Variants in PCSK5 observed in about 807,000 individuals in gnomAD.
PCSK5 encodes prohormone convertase 5.
In PCSK5, 129 loss-of-function variants were observed where a neutral mutation model predicts 233.2. That is an observed-to-expected ratio of 0.55 (90% CI 0.48 to 0.64). The LOEUF (loss-of-function observed/expected upper bound fraction) is 0.64. Among genes scored for constraint, PCSK5 ranks in the 30% least tolerant of loss-of-function variants. PCSK5 has a pLI of 0.00. For missense variants in PCSK5, 2,076 were observed against 2,430.1 expected (o/e 0.85, Z 3.06); for synonymous variants, 825 against 879.2 (o/e 0.94, Z 1.09).
intron 24 of PCSK5, among the ~76,000 whole-genome samples, chr9:76,272,849 C>T (rs998029520): frequency 2.1e-5 from 3 of 145,218 alleles, no homozygotes; most frequent in African/African-American, 7.5e-5. Context: ...TATCATTGAT[C>T]TTCAGCCACT....
At chr9:76,064,439 C>T (rs1265811003) in intron 5 of PCSK5, among the ~76,000 whole-genome samples, 6 of 136,084 alleles carry the variant, frequency 4.4e-5, no homozygotes, top group Non-Finnish European at 8.0e-5. Context: ...CCGGATGGCA[C>T]GGCTGGCCGG....
chr9:76,189,692 A>AGTGGGTATCTCTTAGACTTAG lies in PCSK5; in HGVS notation c.2574_2594dup (p.Gly859_Gly865dup). On this transcript the variant is annotated inframe_insertion, in exon 20 of 38. Transcript: ENST00000674117. ...ATTCAAGAACTGTACAAGCTGCCCT[A>AGTGGGTATCTCTTAGACTTAG]GTGGGTATCTCTTAGACTTAGGAAT... 1 of 1,613,120 alleles carries AGTGGGTATCTCTTAGACTTAG rather than the reference A, an allele frequency of 6.2e-7. No homozygotes were observed. Among genetic ancestry groups the AGTGGGTATCTCTTAGACTTAG allele is most frequent in the Non-Finnish European group, 8.5e-7 (1 of 1,179,156 alleles).
rs552536074 is a variant in PCSK5 at position 76,186,439 on chromosome 9, G to A, written c.2282+1682G>A. ...AATTCTGTTTCTTAGCCATACTATA[G>A]CCACCTTTCGAGGTCTCAGTAGCCA... On this transcript the variant is annotated intron_variant, in intron 17 of 37. Transcript: ENST00000674117. 2.6e-5 allele frequency among the ~76,000 whole-genome samples: 4 copies of A among 152,228 alleles called. No individual in the cohort carries two copies. The South Asian group carries it at 8.3e-4, about 32-fold the overall frequency.
chr9:76,185,969 C>T (rs1824084324), intron 17 of PCSK5, among the ~76,000 whole-genome samples: 1 of 152,088 alleles, frequency 6.6e-6, no homozygotes, highest in Non-Finnish European at 1.5e-5. Flanking sequence ...TCTTAGGGAA[C>T]ATTGTATAGA....
intron 20 of PCSK5, among the ~76,000 whole-genome samples, chr9:76,224,075 T>C (rs1469482568): frequency 6.6e-6 from 1 of 152,194 alleles, no homozygotes; most frequent in African/African-American, 2.4e-5. Context: ...ACAGTTTAGT[T>C]GTCTTACACT....
rs563303018 is a variant in PCSK5, at chr9:76,071,898, G to A, written c.894G>A (p.Met298Ile). ...TRQAFENGVR[M>I]GRRGLGSVFV... ...AAGCCTTTGAAAACGGCGTTAGAAT[G>A]GTAGGTTTTAAAAGCATGGAGGCTT... The change falls in exon 7 of 38, where the codon ATG becomes ATA. Residue 298 changes from methionine (M) to isoleucine (I), a missense_variant and splice_region_variant. Met to Ile is a conservative substitution (Grantham distance 10). This residue lies in a region of PCSK5 where 178 missense variants were observed against 393.6 expected (regional missense o/e 0.45). Transcript: ENST00000674117. 4 of 1,613,570 alleles carry A rather than the reference G, an allele frequency of 2.5e-6. No homozygotes were observed. The highest frequency in any genetic ancestry group is 4.5e-5 in the East Asian group (2 of 44,860).
At chr9:76,294,938 A>G (rs1828390527) in intron 25 of PCSK5, among the ~76,000 whole-genome samples, 1 of 152,086 alleles carries the variant, frequency 6.6e-6, no homozygotes, top group Non-Finnish European at 1.5e-5. Flanking sequence ...AGATCCCCTG[A>G]GGCCAGGAGT....
At chr9:76,161,444 C>CT (rs57216482) in intron 12 of PCSK5, among the ~76,000 whole-genome samples, 18,034 of 146,458 alleles carry the variant, frequency 0.12, 1,183 homozygotes, top group Middle Eastern at 0.23. Context: ...TTATTTCTTG[C>CT]TTTTTTTTTT....
At chr9:76,264,939 A>G (rs1322087778) in intron 24 of PCSK5, among the ~76,000 whole-genome samples, 1 of 152,162 alleles carries the variant, frequency 6.6e-6, no homozygotes, top group Non-Finnish European at 1.5e-5. Flanking sequence ...TCCTTCTGAC[A>G]AAAAGACACC....
intron 2 of PCSK5, among the ~76,000 whole-genome samples, chr9:75,964,282 G>T (rs1156450876): frequency 1.3e-5 from 2 of 152,036 alleles, no homozygotes; most frequent in Non-Finnish European, 2.9e-5. Context: ...AAGTTCTTTG[G>T]CCAGAACACC....
chr9:76,307,968 C>T (rs12345301), intron 28 of PCSK5, among the ~76,000 whole-genome samples: 13 of 152,138 alleles, frequency 8.5e-5, no homozygotes, highest in East Asian at 5.8e-4. Flanking sequence ...GAGGCTGAGG[C>T]GGGTGGATCA....
Position 76,358,498 on chromosome 9 carries a change from G to A in PCSK5, c.5255-15G>A. ...TTTCCCTCTTGCCTCTTCCTTTGAG[G>A]TCTTCTTCCAACAGACGAATGCATC... On this transcript the variant is annotated splice_polypyrimidine_tract_variant and intron_variant, in intron 37 of 37. Coordinates refer to ENST00000674117, the MANE Select transcript of PCSK5 (RefSeq NM_001372043.1). 1 of 1,595,058 alleles carries A rather than the reference G, an allele frequency of 6.3e-7. No homozygotes were observed. Among genetic ancestry groups the A allele is most frequent in the Non-Finnish European group, 8.6e-7 (1 of 1,166,124 alleles).
rs766101566 is a variant in PCSK5, at chr9:76,184,657, C to G, written c.2198-16C>G. On this transcript the variant is annotated splice_polypyrimidine_tract_variant and intron_variant, in intron 16 of 37. Transcript: ENST00000674117. ...AATTGACCAACTGATTTACAACTTT[C>G]TCTTTTTTTTAACAGAGAAAAATCT... The G allele has an allele frequency of 3.2e-6, 5 of 1,569,742 alleles. No individual in the cohort carries two copies. The South Asian group carries it at 5.6e-5, about 18-fold the overall frequency.
intron 10 of PCSK5, among the ~76,000 whole-genome samples, chr9:76,155,243 G>A (rs1188536283): frequency 6.6e-6 from 1 of 152,142 alleles, no homozygotes; most frequent in African/African-American, 2.4e-5. Context: ...AGAGCTCAGT[G>A]AACTTAATAA....
chr9:76,076,618 G>T (rs1406364415), intron 7 of PCSK5, among the ~76,000 whole-genome samples: 1 of 152,158 alleles, frequency 6.6e-6, no homozygotes, highest in African/African-American at 2.4e-5. Context: ...CATTCTTTCT[G>T]CAAGCTAATG....
chr9:76,310,891 C>G (rs776401452), intron 30 of PCSK5, 40 bp downstream of exon 30: 2 of 1,330,204 alleles, frequency 1.5e-6, no homozygotes, highest in African/African-American at 2.9e-5. Context: ...CTTGTAATCA[C>G]TCTCCTCTGG....
At position 75,986,163 on chromosome 9, in the gene PCSK5, A is replaced by G. The variant is rs374676663; in HGVS notation, c.329A>G (p.Lys110Arg). The G allele has an allele frequency of 5.6e-6, 9 of 1,613,448 alleles. No individual in the cohort carries two copies. The African/African-American group carries it at 6.7e-5, about 12-fold the overall frequency. ...VEWIQQQVVK[K>R]RTKRDYDFSR... Reference sequence around the variant, plus strand: ...TGGATCCAACAGCAAGTGGTAAAAAAGCGGACAAAGAGGGATTATGACTTC... The same window carrying G: ...TGGATCCAACAGCAAGTGGTAAAAAGGCGGACAAAGAGGGATTATGACTTC... The change falls in exon 3 of 38, where the codon AAG becomes AGG. Residue 110 changes from lysine (K) to arginine (R), a missense_variant. This residue lies in a region of PCSK5 where 190 missense variants were observed against 216.3 expected (regional missense o/e 0.88). Transcript: ENST00000674117.
intron 1 of PCSK5, among the ~76,000 whole-genome samples, chr9:75,893,761 G>T (rs1409548049): frequency 6.6e-6 from 1 of 152,178 alleles, no homozygotes; most frequent in African/African-American, 2.4e-5. Flanking sequence ...ATGATTTATT[G>T]TGGTTTTACA....
At chr9:76,338,125 A>G (rs1829729465) in intron 34 of PCSK5, 105 bp from the exon 35 acceptor site, 3 of 741,922 alleles carry the variant, frequency 4.0e-6, no homozygotes, top group Non-Finnish European at 6.9e-6. Context: ...TAAAGAGGCT[A>G]AAGTCACTCA....
Sources: allele counts gnomAD v4.1 joint callset (sites outside exome capture counted in the v4.1 genomes callset), GRCh38; gene constraint gnomAD v4.1.1; regional missense constraint gnomAD v4.1.1; transcripts MANE v1.5; gene names NCBI Gene and HGNC (gene_info 2026-07-23, HGNC 2026-07-21).